Variants in DGKB observed in about 807,000 individuals in gnomAD.
DGKB encodes diacylglycerol kinase beta.
A neutral mutation model predicts 114.3 loss-of-function variants in DGKB; 67 were observed. The ratio of observed to expected loss-of-function variants is 0.59; its 90% CI spans 0.48 to 0.72. The LOEUF is 0.72. Among genes scored for constraint, DGKB ranks in the 30% least tolerant of loss-of-function variants. The pLI is 0.00. For synonymous variants in DGKB, 398 were observed against 323.1 expected (o/e 1.23, Z -2.49); for missense variants, 907 against 975.2 (o/e 0.93, Z 0.93).
intron 21 of DGKB, among the ~76,000 whole-genome samples, chr7:14,436,169 T>C (rs1025455890): frequency 3.3e-5 from 5 of 152,172 alleles, no homozygotes; most frequent in East Asian, 1.9e-4. Context: ...TAATTAAAAA[T>C]ACTGTAGTGT....
At position 14,613,507 on chromosome 7, in the gene DGKB, C is replaced by A. The variant is rs374281534; in HGVS notation, c.1285-94G>T. 1.4e-5 allele frequency: 10 copies of A among 697,674 alleles called. No homozygotes were observed. In the East Asian group the frequency reaches 2.2e-4, roughly 15 times the overall value. 43.2% of individuals were successfully genotyped at this position (697,674 alleles called of 1,614,324 possible). ...TTCTAAATTATAAAATACCAATACG[C>A]AATTTCAATAATATTACTTTCCACA... On this transcript the variant is annotated intron_variant, in intron 15 of 25. Coordinates refer to ENST00000402815, the MANE Select transcript of DGKB (RefSeq NM_001350709.2).
chr7:14,738,028 A>G (rs1832008513), intron 4 of DGKB, among the ~76,000 whole-genome samples: 1 of 152,240 alleles, frequency 6.6e-6, no homozygotes, highest in South Asian at 2.1e-4. Context: ...ATTTGCTACA[A>G]TGAATTCAGC....
At chr7:14,365,350 T>C (rs1339102871) in intron 21 of DGKB, among the ~76,000 whole-genome samples, 1 of 152,024 alleles carries the variant, frequency 6.6e-6, no homozygotes, top group African/African-American at 2.4e-5. Flanking sequence ...AGTTTTTGTC[T>C]CTCAGTAATT....
intron 5 of DGKB, among the ~76,000 whole-genome samples, chr7:14,724,039 T>A (rs1364742478): frequency 7.9e-5 from 12 of 152,178 alleles, no homozygotes; most frequent in African/African-American, 2.9e-4. Flanking sequence ...TTTCATATAA[T>A]GTAAACAGTG....
At chr7:14,682,999 C>T (rs1330396263) in intron 10 of DGKB, among the ~76,000 whole-genome samples, 158 bp from the exon 11 acceptor site, 1 of 152,084 alleles carries the variant, frequency 6.6e-6, no homozygotes, top group Admixed American at 6.6e-5. Context: ...ACTGTTTTTA[C>T]CATGGAATAT....
chr7:14,274,742 T>G (rs1402677341), intron 23 of DGKB, among the ~76,000 whole-genome samples: 1 of 152,090 alleles, frequency 6.6e-6, no homozygotes, highest in Non-Finnish European at 1.5e-5. Flanking sequence ...CTTGTTGTGT[T>G]CTCAAATGGC....
At chr7:14,712,114 G>T (rs1321473683) in intron 6 of DGKB, among the ~76,000 whole-genome samples, 1 of 152,112 alleles carries the variant, frequency 6.6e-6, no homozygotes, top group Admixed American at 6.6e-5. Flanking sequence ...GAATAAAATG[G>T]ATTCTCTGTG....
chr7:14,445,847 T>C (rs1447557635), intron 21 of DGKB, among the ~76,000 whole-genome samples: 1 of 152,034 alleles, frequency 6.6e-6, no homozygotes, highest in Non-Finnish European at 1.5e-5. Flanking sequence ...TCTTTAATAA[T>C]TTTGATATTC....
At chr7:14,350,288 G>A (rs114453201) in intron 21 of DGKB, among the ~76,000 whole-genome samples, 2,044 of 152,100 alleles carry the variant, frequency 0.013, 53 homozygotes, top group African/African-American at 0.047. Context: ...TTTCAAATGG[G>A]TAATTTAATT....
At chr7:14,309,750 A>T (rs1228227696) in intron 23 of DGKB, among the ~76,000 whole-genome samples, 1 of 152,222 alleles carries the variant, frequency 6.6e-6, no homozygotes, top group Non-Finnish European at 1.5e-5. Context: ...TCTGACAACC[A>T]GACAAATACT....
intron 5 of DGKB, among the ~76,000 whole-genome samples, chr7:14,727,328 G>A (rs995443398): frequency 6.6e-6 from 1 of 152,096 alleles, no homozygotes; most frequent in Non-Finnish European, 1.5e-5. Flanking sequence ...GAGACTTGAA[G>A]AGAAATCATC....
intron 1 of DGKB, among the ~76,000 whole-genome samples, chr7:14,930,405 T>TACAGACC (rs1350711898): frequency 1.3e-5 from 2 of 152,166 alleles, no homozygotes; most frequent in Non-Finnish European, 2.9e-5. Context: ...TGTTTTGTAG[T>TACAGACC]TTTTCTTGTA....
At chr7:14,573,267 A>T (rs1187024964) in intron 20 of DGKB, among the ~76,000 whole-genome samples, 1 of 152,024 alleles carries the variant, frequency 6.6e-6, no homozygotes, top group Non-Finnish European at 1.5e-5. Flanking sequence ...ATCATGTACC[A>T]CTCTATGAGA....
chr7:14,941,244 A>G (rs1253872419), intron 1 of DGKB, among the ~76,000 whole-genome samples: 1 of 152,076 alleles, frequency 6.6e-6, no homozygotes, highest in Non-Finnish European at 1.5e-5. Flanking sequence ...AAAAAAAATA[A>G]ATTATTAAAA....
chr7:14,769,264 AAGAAAGAAAGAAAG>A (rs1473517672), intron 2 of DGKB, among the ~76,000 whole-genome samples: 10,317 of 96,212 alleles, frequency 0.11, 951 homozygotes, highest in African/African-American at 0.32. Flanking sequence ...GAAAGAAAGA[AAGAAAGAAAGAAAG>A]AAAGATTTTG....
intron 13 of DGKB, among the ~76,000 whole-genome samples, chr7:14,645,537 A>G (rs1249124424): frequency 3.3e-5 from 5 of 152,074 alleles, no homozygotes; most frequent in Non-Finnish European, 1.5e-5. Context: ...AAAAGCCACA[A>G]CACTATCTGA....
intron 2 of DGKB, among the ~76,000 whole-genome samples, chr7:14,759,458 T>A (rs1835374545): frequency 6.6e-6 from 1 of 152,190 alleles, no homozygotes; most frequent in African/African-American, 2.4e-5. Flanking sequence ...CTATTTTCTG[T>A]GTCTATGGAT....
intron 21 of DGKB, among the ~76,000 whole-genome samples, chr7:14,356,595 C>T (rs1455415230): frequency 6.6e-5 from 10 of 151,798 alleles, no homozygotes; most frequent in South Asian, 2.1e-4. Flanking sequence ...CTCCTGACCT[C>T]GTGATCAGCC....
chr7:14,590,573 G>A (rs1801538953), intron 17 of DGKB, among the ~76,000 whole-genome samples: 1 of 152,176 alleles, frequency 6.6e-6, no homozygotes, highest in East Asian at 1.9e-4. Flanking sequence ...TAAATTGATT[G>A]CTAATCGGAA....
Sources: gnomAD v4.1 joint callset for allele counts (sites outside exome capture counted in the v4.1 genomes callset) on GRCh38, gnomAD v4.1.1 for gene constraint, MANE v1.5 for transcripts, NCBI Gene and HGNC (gene_info 2026-07-23, HGNC 2026-07-21) for gene names.